Variants in AXDND1 observed in about 807,000 individuals in gnomAD.
AXDND1 encodes axonemal dynein light chain domain containing 1, also known as axonemal dynein light chain domain-containing protein 1.
Under a neutral mutation model 137.5 loss-of-function variants are expected in AXDND1, and 110 were observed. That is an observed-to-expected ratio of 0.80 (90% CI 0.69 to 0.94). The LOEUF is 0.94. Among genes scored for constraint, AXDND1 ranks in the 40% least tolerant of loss-of-function variants. AXDND1 has a pLI of 0.00. For synonymous variants in AXDND1, 414 were observed against 399.7 expected (o/e 1.04, Z -0.43); for missense variants, 1,191 against 1,169.8 (o/e 1.02, Z -0.26).
chr1:179,472,163 G>A (rs1664024303), intron 17 of AXDND1, among the ~76,000 whole-genome samples: 1 of 152,162 alleles, frequency 6.6e-6, no homozygotes, highest in Admixed American at 6.5e-5. Context: ...CCAAAGTGTT[G>A]GGATTACAGG....
chr1:179,476,548 A>G (rs1664649783), intron 17 of AXDND1, among the ~76,000 whole-genome samples: 2 of 118,588 alleles, frequency 1.7e-5, no homozygotes, highest in African/African-American at 5.9e-5. Flanking sequence ...CTAGCAACAA[A>G]TTCTTCGGTT....
At chr1:179,428,070 TAGA>T (rs1417338997) in intron 12 of AXDND1, among the ~76,000 whole-genome samples, 3 of 152,112 alleles carry the variant, frequency 2.0e-5, no homozygotes, top group Non-Finnish European at 4.4e-5. Flanking sequence ...GTAAAGAGAA[TAGA>T]AGGAGATCAT....
intron 12 of AXDND1, among the ~76,000 whole-genome samples, chr1:179,413,304 G>A (rs1053474328): frequency 6.6e-6 from 1 of 152,054 alleles, no homozygotes; most frequent in Admixed American, 6.6e-5. Context: ...TGGATATATT[G>A]TGTAAATCAT....
At position 179,370,054 on chromosome 1, in the gene AXDND1, C is replaced by G; in HGVS notation, c.350C>G (p.Pro117Arg). ...RNKFKYLIDH[P>R]VSLTGAGRDI... ...AAATTCAAATACCTGATTGACCATC[C>G]CGTCTCCCTCACAGGAGCTGGAAGG... Residue 117 changes from proline to arginine, a missense_variant, in exon 4 of 26, where the codon CCC (proline) becomes CGC (arginine). Pro to Arg is a moderately radical substitution (Grantham distance 103). Coordinates refer to ENST00000367618, the MANE Select transcript of AXDND1 (RefSeq NM_144696.6). 1 of 1,612,946 alleles carries G rather than the reference C, an allele frequency of 6.2e-7. No homozygotes were observed. Among genetic ancestry groups the G allele is most frequent in the Non-Finnish European group, 8.5e-7 (1 of 1,179,132 alleles).
At chr1:179,373,195 C>T (rs1012260448) in intron 4 of AXDND1, among the ~76,000 whole-genome samples, 1 of 152,032 alleles carries the variant, frequency 6.6e-6, no homozygotes, top group Non-Finnish European at 1.5e-5. Flanking sequence ...ACAAAAGGCT[C>T]CTCCAAATCA....
chr1:179,437,551 C>T (rs1571835188), intron 15 of AXDND1, among the ~76,000 whole-genome samples: 4 of 152,262 alleles, frequency 2.6e-5, no homozygotes, highest in South Asian at 2.1e-4. Context: ...TCACATCCCA[C>T]AGGCCTTTGG....
At chr1:179,456,364 CA>C in intron 16 of AXDND1, 1 of 781,252 alleles carries the variant, frequency 1.3e-6, no homozygotes, top group Non-Finnish European at 2.3e-6. Context: ...TTCGTGGGTC[CA>C]AAATTTGAAG....
intron 25 of AXDND1, among the ~76,000 whole-genome samples, chr1:179,539,500 G>A (rs995109031): frequency 2.6e-5 from 4 of 152,160 alleles, no homozygotes; most frequent in African/African-American, 4.8e-5. Context: ...TTTTCTTTAA[G>A]AATGTTGAAT....
At chr1:179,469,998 G>A (rs1663721490) in intron 17 of AXDND1, among the ~76,000 whole-genome samples, 1 of 152,094 alleles carries the variant, frequency 6.6e-6, no homozygotes, top group African/African-American at 2.4e-5. Flanking sequence ...GTTAATTTTT[G>A]TATATGGTAT....
intron 16 of AXDND1, chr1:179,452,407 C>CATTTTCTGAGGA (rs1558198584): frequency 3.3e-5 from 5 of 151,716 alleles, no homozygotes; most frequent in African/African-American, 1.2e-4. Context: ...AAGAAAATCC[C>CATTTTCTGAGGA]GCCGGGCGCG....
At chr1:179,375,499 CAT>C (rs5779020) in intron 4 of AXDND1, among the ~76,000 whole-genome samples, 32,662 of 149,910 alleles carry the variant, frequency 0.22, 3,625 homozygotes, top group Non-Finnish European at 0.24. Context: ...TAATGTATAA[CAT>C]ATAATGTATA....
intron 16 of AXDND1, among the ~76,000 whole-genome samples, chr1:179,465,894 T>C (rs1558222000): frequency 1.3e-5 from 2 of 152,130 alleles, no homozygotes; most frequent in Non-Finnish European, 2.9e-5. Context: ...AGTGAGTGAG[T>C]CTCTGTGGGT....
At chr1:179,490,053 A>G (rs1447501900) in intron 18 of AXDND1, among the ~76,000 whole-genome samples, 1 of 152,126 alleles carries the variant, frequency 6.6e-6, no homozygotes, top group Non-Finnish European at 1.5e-5. Flanking sequence ...CTAGGCTACT[A>G]CATTTTATTT....
intron 12 of AXDND1, among the ~76,000 whole-genome samples, chr1:179,421,739 C>CA (rs1205382296): frequency 6.6e-6 from 1 of 151,648 alleles, no homozygotes; most frequent in Non-Finnish European, 1.5e-5. Context: ...CTTATCTTTT[C>CA]AAAAAACCAA....
At chr1:179,476,244 A>G (rs548733328) in intron 17 of AXDND1, among the ~76,000 whole-genome samples, 7 of 152,198 alleles carry the variant, frequency 4.6e-5, no homozygotes, top group Non-Finnish European at 8.8e-5. Context: ...ATCTGTCATC[A>G]TTTCTATCAC....
chr1:179,368,911 C>T lies in AXDND1; in HGVS notation c.209C>T (p.Ala70Val), dbSNP rs41267588. ...GAAGTTCTTCTTTCTCTGACCTATG[C>T]GGCCAATGCTGGTCCTTGTCCTGAA... is the stretch of plus-strand genomic sequence containing the variant. ...PKEVLLSLTYAANAGPCPENL... is the reference protein window; with the variant it reads ...PKEVLLSLTYVANAGPCPENL... Residue 70 changes from alanine (A) to valine (V), a missense_variant, in exon 3 of 26, where the codon GCG (alanine) becomes GTG (valine). Physicochemically the swap from Ala to Val is moderately conservative, Grantham distance 64 (BLOSUM62 0). Coordinates refer to ENST00000367618, the MANE Select transcript of AXDND1 (RefSeq NM_144696.6). The T allele has an allele frequency of 5.7e-3, 9,207 of 1,613,800 alleles. 28 individuals carry two copies. The highest frequency in any genetic ancestry group is 6.9e-3 in the Non-Finnish European group (8,139 of 1,179,784).
chr1:179,499,504 A>G (rs1667786688), intron 20 of AXDND1, among the ~76,000 whole-genome samples: 1 of 152,144 alleles, frequency 6.6e-6, no homozygotes, highest in African/African-American at 2.4e-5. Context: ...GAAATGAACA[A>G]CTGCTAACAG....
intron 18 of AXDND1, among the ~76,000 whole-genome samples, chr1:179,484,985 AC>A (rs562144085): frequency 1.3e-4 from 20 of 150,874 alleles, no homozygotes; most frequent in Admixed American, 9.9e-4. Flanking sequence ...ATGCCAGCAG[AC>A]CTGCCTCCCA....
intron 21 of AXDND1, among the ~76,000 whole-genome samples, chr1:179,522,174 T>G (rs1670122938): frequency 6.6e-6 from 1 of 152,150 alleles, no homozygotes; most frequent in African/African-American, 2.4e-5. Flanking sequence ...TTCTTTCATA[T>G]TCTCTCTCTA....
Sources: gnomAD v4.1 joint callset for allele counts (sites outside exome capture counted in the v4.1 genomes callset) on GRCh38, gnomAD v4.1.1 for gene constraint, MANE v1.5 for transcripts, NCBI Gene and HGNC (gene_info 2026-07-23, HGNC 2026-07-21) for gene names.